The following ACSBG2 variants were observed in gnomAD, a reference collection of about 807,000 sequenced individuals.
ACSBG2 encodes the protein long-chain-fatty-acid--CoA ligase ACSBG2.
ACSBG2 carries 62 observed loss-of-function variants against 74.7 expected under a neutral mutation model. The observed-to-expected ratio is 0.83, with a 90% CI of 0.68 to 1.03. The LOEUF (loss-of-function observed/expected upper bound fraction) is 1.03, where lower values mean the gene tolerates loss of function less well. Among genes scored for constraint, ACSBG2 ranks in the 50% least tolerant of loss-of-function variants. The probability of loss-of-function intolerance (pLI) is 0.00; values close to 1 mark genes in which losing one functional copy is unlikely to be tolerated. For synonymous variants in ACSBG2, 309 were observed against 294.1 expected, an observed-to-expected ratio of 1.05 and a Z score of -0.52; for missense variants, 730 against 817.6, an observed-to-expected ratio of 0.89 and a Z score of 1.31.
intron 8 of ACSBG2, among the ~76,000 whole-genome samples, chr19:6,182,502 T>C (rs1302113791): frequency 6.6e-6 from 1 of 152,216 alleles, no homozygotes; most frequent in African/African-American, 2.4e-5. Flanking sequence ...CTTAAAATGT[T>C]AATAGAACTG....
intron 2 of ACSBG2, 117 bp downstream of exon 2, chr19:6,141,727 C>T: frequency 2.9e-6 from 2 of 696,774 alleles, no homozygotes; most frequent in Non-Finnish European, 5.0e-6. Flanking sequence ...ACCCTGCTGA[C>T]CCCGACCCCC....
At chr19:6,166,148 G>A (rs531780436) in intron 7 of ACSBG2, 133 bp downstream of exon 7, 6 of 1,147,030 alleles carry the variant, frequency 5.2e-6, no homozygotes, top group Non-Finnish European at 6.1e-6. Flanking sequence ...AGAGAGTAGC[G>A]TAGTTGCTTC....
intron 5 of ACSBG2, chr19:6,160,597 A>G (rs1568232122): frequency 1.3e-5 from 2 of 152,022 alleles, no homozygotes; most frequent in African/African-American, 4.8e-5. Context: ...GCCATGAGGG[A>G]CTTCTTTTAG....
At chr19:6,136,146 C>T (rs1320193745) in intron 1 of ACSBG2, among the ~76,000 whole-genome samples, 1 of 96,380 alleles carries the variant, frequency 1.0e-5, no homozygotes, top group African/African-American at 4.8e-5. Context: ...TGCTCTGTTG[C>T]CCAGGCGCAA....
In ACSBG2 at chr19:6,166,280, T is replaced by TTGTGTGTGTGTGTG. The variant is rs35422900; in HGVS notation, c.738+303_738+316dup. Among the ~76,000 whole-genome samples, 1,059 of 119,112 alleles carry TTGTGTGTGTGTGTG rather than the reference T, an allele frequency of 8.9e-3. 58 individuals carry two copies. The highest frequency in any genetic ancestry group is 0.031 in the African/African-American group (832 of 26,554). The allele number at this position is 119,112 out of a possible 152,430, so 78.1% of individuals were successfully genotyped here. ...GATTCCTCTGTGTGAGTCAGGAAGG[T>TTGTGTGTGTGTGTG]TGTGTGTGTGTGTGTGTGTGTGTGT... On this transcript the variant is annotated intron_variant, in intron 7 of 14. Coordinates refer to ENST00000588485, the MANE Select transcript of ACSBG2 (RefSeq NM_030924.5).
At chr19:6,164,095 T>C (rs1353455276) in intron 6 of ACSBG2, among the ~76,000 whole-genome samples, 1 of 152,218 alleles carries the variant, frequency 6.6e-6, no homozygotes, top group Non-Finnish European at 1.5e-5. Context: ...GCTTGGCATC[T>C]GTGTGCCCAA....
At chr19:6,166,161 T>A in intron 7 of ACSBG2, 146 bp downstream of exon 7, 2 of 1,004,008 alleles carry the variant, frequency 2.0e-6, no homozygotes, top group Non-Finnish European at 2.9e-6. Context: ...GTTGCTTCAC[T>A]AGGGGGCAGC....
chr19:6,167,609 G>A (rs1018832790), intron 7 of ACSBG2, among the ~76,000 whole-genome samples: 8 of 152,064 alleles, frequency 5.3e-5, no homozygotes, highest in Non-Finnish European at 7.4e-5. Context: ...CTGCATCTTA[G>A]CTCAAGGCCT....
At chr19:6,177,427 C>G (rs777633515) in intron 8 of ACSBG2, 31 bp downstream of exon 8, 1 of 1,543,594 alleles carries the variant, frequency 6.5e-7, no homozygotes, top group Non-Finnish European at 8.7e-7. Flanking sequence ...GGGGCTCCGA[C>G]TTCATCCTCT....
intron 3 of ACSBG2, among the ~76,000 whole-genome samples, chr19:6,150,137 C>T (rs930247232): frequency 8.6e-5 from 13 of 151,382 alleles, no homozygotes; most frequent in Admixed American, 3.3e-4. Flanking sequence ...AAATTCACAC[C>T]TTTCAAGATA....
At chr19:6,187,522 C>A in intron 12 of ACSBG2, 77 bp from the exon 13 acceptor site, 4 of 1,604,182 alleles carry the variant, frequency 2.5e-6, no homozygotes, top group Admixed American at 1.7e-5. Context: ...GGGTTCAAGA[C>A]CCACTTCTTG....
chr19:6,176,992 CA>C (rs1181311444), intron 7 of ACSBG2, among the ~76,000 whole-genome samples: 4 of 151,412 alleles, frequency 2.6e-5, no homozygotes, highest in African/African-American at 7.3e-5. Context: ...CCCCTCTCTA[CA>C]AAAAAAGTTA....
intron 2 of ACSBG2, among the ~76,000 whole-genome samples, chr19:6,145,046 C>T (rs950418998): frequency 1.3e-5 from 2 of 152,004 alleles, no homozygotes; most frequent in Non-Finnish European, 2.9e-5. Context: ...CTACTACTGG[C>T]ACCAAGCCAA....
rs1021323827 is a variant in ACSBG2, at chr19:6,190,711, G to A, written c.*35+19G>A. 6.5e-7 allele frequency: 1 copy of A among 1,538,732 alleles called. No homozygotes were observed. The highest frequency in any genetic ancestry group is 1.7e-5 in the Admixed American group (1 of 59,654). On this transcript the variant is annotated intron_variant, in intron 14 of 14. Transcript: ENST00000588485. ...TCTGATGGTGAGATTCAGTTGCTTGGCTTTGCTGGGCTATGCATTCAGAGT... is the reference window on the plus strand; with the variant it reads ...TCTGATGGTGAGATTCAGTTGCTTGACTTTGCTGGGCTATGCATTCAGAGT...
At chr19:6,146,108 T>A (rs1385505427) in intron 2 of ACSBG2, among the ~76,000 whole-genome samples, 1 of 152,236 alleles carries the variant, frequency 6.6e-6, no homozygotes, top group African/African-American at 2.4e-5. Flanking sequence ...CTCTTGTTAA[T>A]GATTTACATG....
intron 5 of ACSBG2, 121 bp downstream of exon 5, chr19:6,156,672 C>A: frequency 1.8e-6 from 2 of 1,100,300 alleles, no homozygotes; most frequent in South Asian, 2.3e-5. Flanking sequence ...ATCTGTTCAG[C>A]GAGTCCTCCA....
intron 7 of ACSBG2, among the ~76,000 whole-genome samples, chr19:6,172,037 G>A (rs2089979737): frequency 6.6e-6 from 1 of 151,992 alleles, no homozygotes; most frequent in South Asian, 2.1e-4. Context: ...TTCAATTCCA[G>A]AAGTTCAATT....
intron 7 of ACSBG2, among the ~76,000 whole-genome samples, chr19:6,168,409 C>T (rs62108662): frequency 0.045 from 6,798 of 152,234 alleles, 190 homozygotes; most frequent in Non-Finnish European, 0.072. Context: ...ACCTAATTCC[C>T]ATTTGGCTAC....
chr19:6,186,392 C>T (rs1357280734), intron 11 of ACSBG2, among the ~76,000 whole-genome samples: 4 of 152,062 alleles, frequency 2.6e-5, no homozygotes, highest in Non-Finnish European at 4.4e-5. Context: ...TTTTGACTTC[C>T]AACAACTTAA....
Sources: gnomAD v4.1 joint callset for allele counts (sites outside exome capture counted in the v4.1 genomes callset) on GRCh38, gnomAD v4.1.1 for gene constraint, MANE v1.5 for transcripts, NCBI Gene and HGNC (gene_info 2026-07-23, HGNC 2026-07-21) for gene names.